Variants in CSNK1G3 observed in about 807,000 individuals in gnomAD.
The protein encoded by CSNK1G3 is casein kinase 1 gamma 3.
CSNK1G3 carries 23 observed loss-of-function variants against 64.3 expected under a neutral mutation model. That is an observed-to-expected ratio of 0.36 (90% CI 0.26 to 0.51). The LOEUF is 0.51. Ranked by LOEUF, CSNK1G3 falls within the 20% of genes least tolerant of loss-of-function variation. CSNK1G3 has a pLI of 0.96. For missense variants in CSNK1G3, 357 were observed against 510.5 expected (o/e 0.70, Z 2.90); for synonymous variants, 158 against 162.2 (o/e 0.97, Z 0.20).
chr5:123,568,692 C>T (rs1313787933), intron 4 of CSNK1G3, among the ~76,000 whole-genome samples: 4 of 152,158 alleles, frequency 2.6e-5, no homozygotes, highest in Non-Finnish European at 5.9e-5. Context: ...TCCTCATCTT[C>T]AAGGCTCTTG....
In CSNK1G3 at chr5:123,610,440, GATAA is replaced by G. The variant is rs375512294; in HGVS notation, c.1218-3897_1218-3894del. ...ATGAGCAATGAGTCATCTTAGAAGGGATAAATAAGAACATCATATCCAGATAGGG... is the reference window on the plus strand; with the variant it reads ...ATGAGCAATGAGTCATCTTAGAAGGGATAAGAACATCATATCCAGATAGGG... On this transcript the variant is annotated intron_variant, in intron 12 of 12. Coordinates refer to ENST00000345990, the Ensembl canonical transcript of CSNK1G3. 9.1e-4 allele frequency among the ~76,000 whole-genome samples: 138 copies of G among 152,170 alleles called. 2 individuals carry two copies. Among genetic ancestry groups the G allele is most frequent in the African/African-American group, 3.2e-3 (133 of 41,510 alleles).
At chr5:123,605,278 G>A in intron 11 of CSNK1G3, 61 bp from the exon 13 acceptor site, 2 of 1,445,920 alleles carry the variant, frequency 1.4e-6, no homozygotes, top group East Asian at 2.3e-5. Context: ...AATGTGAGCT[G>A]TTTCTGATTC....
intron 10 of CSNK1G3, among the ~76,000 whole-genome samples, chr5:123,603,508 G>A (rs1169667299): frequency 6.6e-6 from 1 of 152,104 alleles, no homozygotes; most frequent in Non-Finnish European, 1.5e-5. Context: ...TAATTTTAAT[G>A]GAGGTAGGGA....
chr5:123,535,737 C>T (rs910489086), intron 1 of CSNK1G3, among the ~76,000 whole-genome samples: 2 of 152,046 alleles, frequency 1.3e-5, no homozygotes, highest in African/African-American at 4.8e-5. Context: ...TCACTGATTT[C>T]TTGTCATGTA....
chr5:123,522,306 G>C (rs572826809), intron 1 of CSNK1G3, among the ~76,000 whole-genome samples: 2 of 151,928 alleles, frequency 1.3e-5, no homozygotes, highest in African/African-American at 4.8e-5. Flanking sequence ...GATTGAGACC[G>C]TCTGGCTAAC....
At chr5:123,533,515 A>G (rs576407165) in intron 1 of CSNK1G3, among the ~76,000 whole-genome samples, 34 of 151,460 alleles carry the variant, frequency 2.2e-4, no homozygotes, top group Admixed American at 1.6e-3. Context: ...TCTTTTTCTT[A>G]ATTTTCTCTG....
chr5:123,585,509 T>A (rs755037553), intron 6 of CSNK1G3, among the ~76,000 whole-genome samples: 1 of 152,118 alleles, frequency 6.6e-6, no homozygotes. Flanking sequence ...TTAAACATAC[T>A]CTTAAGAAAA....
At position 123,585,263 on chromosome 5, in the gene CSNK1G3, GA is replaced by G. The variant is rs1180519039; in HGVS notation, c.674-2798del. On this transcript the variant is annotated intron_variant, in intron 6 of 12. Transcript: ENST00000345990. ...ATGAGAGTAGCTAGATATTAGTATT[GA>G]AAAAAATATATCTAAATCCTTACTC... Among the ~76,000 whole-genome samples, 4 of 150,150 alleles carry G rather than the reference GA, an allele frequency of 2.7e-5. No homozygotes were observed. The South Asian group carries it at 6.3e-4, about 24-fold the overall frequency.
intron 1 of CSNK1G3, among the ~76,000 whole-genome samples, chr5:123,533,460 G>C (rs1410624785): frequency 1.3e-5 from 2 of 151,588 alleles, no homozygotes; most frequent in African/African-American, 2.4e-5. Flanking sequence ...TTAACCTTCT[G>C]AGGTCCCTTT....
At chr5:123,562,403 C>A (rs1175488934) in intron 4 of CSNK1G3, among the ~76,000 whole-genome samples, 8 of 151,958 alleles carry the variant, frequency 5.3e-5, no homozygotes, top group Admixed American at 5.3e-4. Context: ...TCTTTTTCTT[C>A]TTGGTAGCAG....
chr5:123,568,118 G>T (rs1399191612), intron 4 of CSNK1G3, among the ~76,000 whole-genome samples: 2 of 152,222 alleles, frequency 1.3e-5, no homozygotes, highest in Admixed American at 1.3e-4. Context: ...GCAATGTGCG[G>T]TCGGTGTTGT....
chr5:123,553,411 C>T (rs1784057742), intron 3 of CSNK1G3, among the ~76,000 whole-genome samples: 1 of 151,992 alleles, frequency 6.6e-6, no homozygotes, highest in Admixed American at 6.6e-5. Flanking sequence ...GGATCTTGGC[C>T]CTATTTTTAA....
chr5:123,599,978 G>A (rs1794158963), intron 10 of CSNK1G3, among the ~76,000 whole-genome samples: 1 of 151,936 alleles, frequency 6.6e-6, no homozygotes, highest in Non-Finnish European at 1.5e-5. Flanking sequence ...GTTGAAAGTT[G>A]GTGAGCATGT....
chr5:123,569,151 A>T (rs960447421), intron 4 of CSNK1G3, among the ~76,000 whole-genome samples: 2 of 152,220 alleles, frequency 1.3e-5, no homozygotes, highest in Admixed American at 6.5e-5. Context: ...ATGCATACTT[A>T]TGCTTGCTTT....
chr5:123,517,533 A>C (rs1220182197), intron 1 of CSNK1G3, among the ~76,000 whole-genome samples: 1 of 152,182 alleles, frequency 6.6e-6, no homozygotes, highest in Non-Finnish European at 1.5e-5. Context: ...GGAAAAAAAA[A>C]CAAAAAACAC....
intron 2 of CSNK1G3, among the ~76,000 whole-genome samples, chr5:123,551,153 A>G (rs1783568233): frequency 6.6e-6 from 1 of 152,220 alleles, no homozygotes; most frequent in Non-Finnish European, 1.5e-5. Flanking sequence ...AGATGATAAT[A>G]TGTTTGGGAA....
intron 1 of CSNK1G3, among the ~76,000 whole-genome samples, chr5:123,519,843 A>G (rs952799676): frequency 3.9e-5 from 6 of 152,206 alleles, no homozygotes; most frequent in Non-Finnish European, 8.8e-5. Context: ...TATCCTAATT[A>G]CTAGTGGAGT....
At position 123,556,734 on chromosome 5, in the gene CSNK1G3, G is replaced by A. The variant is rs138345996; in HGVS notation, c.220-761G>A. The stretch of plus-strand genomic sequence containing the variant: ...TTTCATATTTAATATTATTTCTAAC[G>A]TCTAAAACCCATGTTTCCTCTGTAC... On this transcript the variant is annotated intron_variant, in intron 3 of 12. Coordinates refer to ENST00000345990, the Ensembl canonical transcript of CSNK1G3. 3.3e-5 allele frequency among the ~76,000 whole-genome samples: 5 copies of A among 150,606 alleles called. No individual in the cohort carries two copies. The East Asian group carries it at 5.8e-4, about 18-fold the overall frequency.
intron 1 of CSNK1G3, among the ~76,000 whole-genome samples, chr5:123,515,594 C>T (rs1431391123): frequency 6.6e-6 from 1 of 151,892 alleles, no homozygotes; most frequent in Non-Finnish European, 1.5e-5. Flanking sequence ...AAATATTAGA[C>T]GACCCTAAAA....
Sources: gnomAD v4.1 joint callset for allele counts (sites outside exome capture counted in the v4.1 genomes callset) on GRCh38, gnomAD v4.1.1 for gene constraint, MANE v1.5 for transcripts, NCBI Gene and HGNC (gene_info 2026-07-23, HGNC 2026-07-21) for gene names.